Variants in MARCHF7 observed in about 807,000 individuals in gnomAD.
MARCHF7 encodes membrane associated ring-CH-type finger 7, also known as E3 ubiquitin-protein ligase MARCHF7.
In MARCHF7, 20 loss-of-function variants were observed where a neutral mutation model predicts 76.5. That is an observed-to-expected ratio of 0.26 (90% confidence interval 0.18 to 0.38). MARCHF7 has a LOEUF of 0.38. MARCHF7 is among the 10% of genes least tolerant of loss of function. The pLI is 1.00. For missense variants in MARCHF7, 797 were observed against 812.9 expected, an observed-to-expected ratio of 0.98 and a Z score of 0.24; for synonymous variants, 295 against 293.0, an observed-to-expected ratio of 1.01 and a Z score of -0.07.
intron 3 of MARCHF7, among the ~76,000 whole-genome samples, chr2:159,723,990 C>T (rs1319375473): frequency 6.6e-6 from 1 of 152,154 alleles, no homozygotes; most frequent in Non-Finnish European, 1.5e-5. Context: ...CCCTTTATCG[C>T]TGCTTCCTGG....
Position 159,758,761 on chromosome 2 carries a change from C to T in MARCHF7, c.1784-465C>T, listed in dbSNP as rs1574425118. 2.0e-5 allele frequency among the ~76,000 whole-genome samples: 3 copies of T among 152,078 alleles called. No homozygotes were observed. The South Asian group carries it at 6.3e-4, about 32-fold the overall frequency. On this transcript the variant is annotated intron_variant, in intron 8 of 11. Transcript: ENST00000409175. ...TTCTAGCAAGTAAGGCAGACATATTCCTTAAACTCCAAAAGGTCTTAGGTA... is the reference window on the plus strand; with the variant it reads ...TTCTAGCAAGTAAGGCAGACATATTTCTTAAACTCCAAAAGGTCTTAGGTA...
In MARCHF7 at chr2:159,722,714, A is replaced by G. The variant is rs1276568566; in HGVS notation, c.-14-6295A>G. Among the ~76,000 whole-genome samples, 6 of 152,312 alleles carry G rather than the reference A, an allele frequency of 3.9e-5. No homozygotes were observed. In the South Asian group the frequency reaches 8.3e-4, roughly 21 times the overall value. On this transcript the variant is annotated intron_variant, in intron 3 of 11. Coordinates refer to ENST00000409175, the MANE Select transcript of MARCHF7 (RefSeq NM_001282805.2). The stretch of plus-strand genomic sequence containing the variant: ...GGACTGCACATTTTTGTTTTTCACT[A>G]TATTTTGTGCTTTTGACCTACAACT...
intron 4 of MARCHF7, among the ~76,000 whole-genome samples, chr2:159,729,398 C>T (rs529931836): frequency 4.1e-4 from 63 of 152,250 alleles, no homozygotes; most frequent in South Asian, 2.1e-3. Flanking sequence ...GCGCTGGGAA[C>T]GGTGGCTCAC....
intron 4 of MARCHF7, chr2:159,734,036 CA>C: frequency 1.5e-6 from 2 of 1,356,054 alleles, no homozygotes; most frequent in Non-Finnish European, 1.9e-6. Flanking sequence ...ATTTTTATCA[CA>C]ATTTGAATGA....
intron 4 of MARCHF7, among the ~76,000 whole-genome samples, chr2:159,736,967 C>T (rs988433893): frequency 2.0e-5 from 3 of 152,164 alleles, no homozygotes; most frequent in African/African-American, 7.2e-5. Context: ...CCATACAATT[C>T]ACCATATCAC....
At chr2:159,719,977 G>A (rs965694676) in intron 3 of MARCHF7, among the ~76,000 whole-genome samples, 5 of 152,132 alleles carry the variant, frequency 3.3e-5, no homozygotes, top group South Asian at 2.1e-4. Flanking sequence ...GTGGACTGCC[G>A]CTGCCTAGTG....
At position 159,733,569 on chromosome 2, in the gene MARCHF7, T is replaced by C. The variant is rs377568008; in HGVS notation, c.153+4394T>C. 306 of 982,082 alleles carry C rather than the reference T, an allele frequency of 3.1e-4. No homozygotes were observed. The African/African-American group carries it at 5.1e-3, about 16-fold the overall frequency. 60.8% of individuals were successfully genotyped at this position (982,082 alleles called of 1,614,324 possible). A position where few individuals can be genotyped will look rare whatever the true frequency, so the allele number is the denominator to read the frequency against. ...AACATTAAAAAAAAAAAAAAAAGAT[T>C]GTTGAGGCTTTTTAACTCACAACTC... On this transcript the variant is annotated intron_variant, in intron 4 of 11. Transcript: ENST00000409175.
At chr2:159,763,972 A>G (rs969590543) in intron 10 of MARCHF7, among the ~76,000 whole-genome samples, 1 of 152,180 alleles carries the variant, frequency 6.6e-6, no homozygotes, top group Non-Finnish European at 1.5e-5. Context: ...CTAAAACCTT[A>G]ATACCGTAAA....
intron 7 of MARCHF7, 43 bp downstream of exon 7, chr2:159,748,946 A>G: frequency 1.4e-6 from 2 of 1,451,434 alleles, no homozygotes; most frequent in Non-Finnish European, 1.8e-6. Context: ...TCAAAAATAG[A>G]GAAAGAACTC....
At chr2:159,756,712 A>C (rs1051085755) in intron 8 of MARCHF7, among the ~76,000 whole-genome samples, 1 of 123,802 alleles carries the variant, frequency 8.1e-6, no homozygotes, top group Non-Finnish European at 1.6e-5. Context: ...AAAAAAAAAA[A>C]AACAGATGAT....
At chr2:159,721,718 CTTG>C (rs1009428800) in intron 3 of MARCHF7, among the ~76,000 whole-genome samples, 4 of 152,132 alleles carry the variant, frequency 2.6e-5, no homozygotes, top group Non-Finnish European at 4.4e-5. Context: ...CAGTCATAGA[CTTG>C]TTGATGAGGA....
At chr2:159,739,950 A>G (rs1394533710) in intron 4 of MARCHF7, among the ~76,000 whole-genome samples, 1 of 152,232 alleles carries the variant, frequency 6.6e-6, no homozygotes, top group African/African-American at 2.4e-5. Flanking sequence ...TCAGCATTCA[A>G]GAATCAAATG....
At chr2:159,720,150 C>G (rs1328593487) in intron 3 of MARCHF7, among the ~76,000 whole-genome samples, 1 of 152,144 alleles carries the variant, frequency 6.6e-6, no homozygotes, top group Non-Finnish European at 1.5e-5. Context: ...CTCAGCCTCC[C>G]AGGGAGCTAG....
intron 9 of MARCHF7, among the ~76,000 whole-genome samples, chr2:159,761,614 G>A (rs1410135593): frequency 2.0e-5 from 3 of 151,156 alleles, no homozygotes; most frequent in Admixed American, 6.6e-5. Flanking sequence ...GTTTCACCGT[G>A]TTGGCCAGGC....
intron 7 of MARCHF7, among the ~76,000 whole-genome samples, chr2:159,749,414 C>T (rs529227493): frequency 2.0e-5 from 3 of 152,082 alleles, no homozygotes; most frequent in Admixed American, 1.3e-4. Context: ...GTGGCACAGT[C>T]TTGGCTCACT....
chr2:159,762,589 A>G (rs562956594), intron 9 of MARCHF7, among the ~76,000 whole-genome samples: 10 of 152,370 alleles, frequency 6.6e-5, no homozygotes, highest in African/African-American at 2.4e-4. Context: ...AATGAAATCT[A>G]TGAGCTTTAT....
Position 159,764,631 on chromosome 2 carries a change from T to C in MARCHF7, c.2013T>C (p.Ile671=). The change falls in exon 11 of 12, where the codon ATT becomes ATC. Residue 671 remains isoleucine, a synonymous_variant. Transcript: ENST00000409175. ...TNEPSTRVRF[I]NLARTLQAHM... is the part of the protein sequence containing the mutation. Reference sequence around the variant, plus strand: ...TCTTTCTGCATTGTTTCTAGTTTATTAACCTTGCAAGAACTCTTCAGGCAC... The same window carrying C: ...TCTTTCTGCATTGTTTCTAGTTTATCAACCTTGCAAGAACTCTTCAGGCAC... 5.0e-6 allele frequency: 8 copies of C among 1,598,444 alleles called. No individual in the cohort carries two copies. The highest frequency in any genetic ancestry group is 6.8e-6 in the Non-Finnish European group (8 of 1,172,470).
At chr2:159,762,081 A>G (rs1443626997) in intron 9 of MARCHF7, among the ~76,000 whole-genome samples, 2 of 152,236 alleles carry the variant, frequency 1.3e-5, no homozygotes, top group Non-Finnish European at 2.9e-5. Context: ...ATAAAATGTC[A>G]TATACCCTAT....
At chr2:159,767,175 A>C in intron 11 of MARCHF7, 109 bp from the exon 12 acceptor site, 1 of 767,946 alleles carries the variant, frequency 1.3e-6, no homozygotes, top group East Asian at 2.6e-5. Context: ...CAATATACTA[A>C]ATTGGGATTT....
Sources: gnomAD v4.1 joint callset for allele counts (sites outside exome capture counted in the v4.1 genomes callset) on GRCh38, gnomAD v4.1.1 for gene constraint, MANE v1.5 for transcripts, NCBI Gene and HGNC (gene_info 2026-07-23, HGNC 2026-07-21) for gene names.